Variants in DAB1 observed in about 807,000 individuals in gnomAD.
The protein encoded by DAB1 is DAB adaptor protein 1, also known as disabled homolog 1.
DAB1 carries 15 observed loss-of-function variants against 64.6 expected under a neutral mutation model. The observed-to-expected ratio is 0.23, with a 90% CI of 0.16 to 0.36. The LOEUF is 0.36. DAB1 is among the 10% of genes least tolerant of loss of function. DAB1 has a pLI of 1.00. For synonymous variants in DAB1, 235 were observed against 251.9 expected (o/e 0.93, Z 0.64); for missense variants, 596 against 706.7 (o/e 0.84, Z 1.78).
At chr1:57,786,130 G>C (rs1408145) in intron 6 of DAB1, among the ~76,000 whole-genome samples, 38,284 of 152,044 alleles carry the variant, frequency 0.25, 6,056 homozygotes, top group African/African-American at 0.45. Flanking sequence ...TAGCAACAAA[G>C]TATTTTCTAA....
At chr1:58,301,544 TG>T (rs983340111) in intron 4 of DAB1, among the ~76,000 whole-genome samples, 2 of 152,168 alleles carry the variant, frequency 1.3e-5, no homozygotes, top group African/African-American at 4.8e-5. Flanking sequence ...ATTTTATGTG[TG>T]GGCCAAGACA....
At chr1:57,811,366 T>C (rs1295647556) in intron 6 of DAB1, among the ~76,000 whole-genome samples, 1 of 152,212 alleles carries the variant, frequency 6.6e-6, no homozygotes, top group East Asian at 1.9e-4. Flanking sequence ...TCTCCTGAGA[T>C]CTGGTTGTTT....
chr1:57,905,810 G>A (rs1644542245), intron 5 of DAB1, among the ~76,000 whole-genome samples: 1 of 152,168 alleles, frequency 6.6e-6, no homozygotes, highest in Non-Finnish European at 1.5e-5. Context: ...AGGGAGGTAG[G>A]AGGAAAACCT....
At chr1:58,529,799 A>G (rs879791171) in intron 1 of DAB1, among the ~76,000 whole-genome samples, 1 of 152,252 alleles carries the variant, frequency 6.6e-6, no homozygotes, top group Non-Finnish European at 1.5e-5. Context: ...TAGCATTTAC[A>G]TTGAATTACA....
At chr1:57,874,016 G>T (rs1294801993) in intron 1 of DAB1, 1 of 152,112 alleles carries the variant, frequency 6.6e-6, no homozygotes, top group African/African-American at 2.4e-5. Flanking sequence ...GAAGACCAGA[G>T]AGCTTGGGAG....
At chr1:57,695,234 AAAGG>A (rs1330522316) in intron 6 of DAB1, among the ~76,000 whole-genome samples, 42 of 116,692 alleles carry the variant, frequency 3.6e-4, no homozygotes, top group African/African-American at 5.6e-4. Context: ...TCTAAGAAAG[AAAGG>A]AAGAAAGAAA....
chr1:57,824,431 C>A (rs1241577964), downstream of DAB1, among the ~76,000 whole-genome samples: 3 of 151,982 alleles, frequency 2.0e-5, no homozygotes, highest in African/African-American at 7.3e-5. Context: ...ATTCTTCTTC[C>A]AGGGTGTGAT....
intron 7 of DAB1, among the ~76,000 whole-genome samples, chr1:57,598,290 C>T (rs1311659899): frequency 1.3e-5 from 2 of 152,250 alleles, no homozygotes; most frequent in African/African-American, 4.8e-5. Context: ...CCGGTATCCA[C>T]ATTTTAAATA....
chr1:58,232,936 A>G (rs1392048719), intron 4 of DAB1, among the ~76,000 whole-genome samples: 1 of 152,120 alleles, frequency 6.6e-6, no homozygotes, highest in Non-Finnish European at 1.5e-5. Flanking sequence ...TCTATTTATT[A>G]TCTATTTCTC....
chr1:57,339,663 C>T (rs182089552), intron 1 of DAB1, among the ~76,000 whole-genome samples: 10 of 152,290 alleles, frequency 6.6e-5, no homozygotes, highest in Admixed American at 5.9e-4. Flanking sequence ...TAAAAAGTCA[C>T]CTTTTAATCA....
At chr1:57,782,970 C>T (rs1569669505) in intron 6 of DAB1, among the ~76,000 whole-genome samples, 1 of 135,226 alleles carries the variant, frequency 7.4e-6, no homozygotes, top group African/African-American at 2.8e-5. Flanking sequence ...AGTCCATTTT[C>T]TTTCCTCCCT....
intron 5 of DAB1, among the ~76,000 whole-genome samples, chr1:58,108,335 T>C (rs1265339556): frequency 6.6e-6 from 1 of 152,060 alleles, no homozygotes; most frequent in South Asian, 2.1e-4. Context: ...ATACCACCCT[T>C]AGGGCTGGTT....
chr1:57,709,122 A>G (rs891941324), intron 6 of DAB1, among the ~76,000 whole-genome samples: 4 of 152,152 alleles, frequency 2.6e-5, no homozygotes, highest in Non-Finnish European at 5.9e-5. Flanking sequence ...TACCATTAAA[A>G]TAAATTAGAA....
At chr1:57,422,379 C>A (rs969273237) in intron 1 of DAB1, among the ~76,000 whole-genome samples, 3 of 152,188 alleles carry the variant, frequency 2.0e-5, no homozygotes, top group Middle Eastern at 3.2e-3. Flanking sequence ...CGCCCCCGGG[C>A]TCGCCCCCGT....
chr1:57,281,997 C>T (rs568688396), intron 2 of DAB1, among the ~76,000 whole-genome samples: 4 of 152,024 alleles, frequency 2.6e-5, no homozygotes, highest in African/African-American at 9.6e-5. Flanking sequence ...GCCTGGCCAA[C>T]ATGGCGAAAC....
rs148767026 is a variant in DAB1, at chr1:57,018,384, G to A, written c.896-2953C>T. Among the ~76,000 whole-genome samples, 681 of 152,256 alleles carry A rather than the reference G, an allele frequency of 4.5e-3. 7 individuals carry two copies. Among genetic ancestry groups the A allele is most frequent in the African/African-American group, 0.016 (648 of 41,540 alleles). The stretch of plus-strand genomic sequence containing the variant: ...ACATCTGACTCTTATGTCTTCTAGT[G>A]TGCTCACGCCTGAGTATTTCCTTAT... On this transcript the variant is annotated intron_variant, in intron 11 of 14. Transcript: ENST00000371236.
chr1:57,251,675 G>GA (rs1372746442), intron 2 of DAB1, among the ~76,000 whole-genome samples: 3 of 150,982 alleles, frequency 2.0e-5, no homozygotes, highest in East Asian at 1.9e-4. Context: ...AGAAAGCAAA[G>GA]AAAAAAAAAT....
intron 1 of DAB1, among the ~76,000 whole-genome samples, chr1:57,879,358 A>C (rs986697231): frequency 6.6e-6 from 1 of 152,190 alleles, no homozygotes; most frequent in African/African-American, 2.4e-5. Context: ...CCACATGTTG[A>C]AGATGATGGT....
chr1:58,199,621 A>G (rs1657890350), intron 4 of DAB1, among the ~76,000 whole-genome samples: 3 of 152,220 alleles, frequency 2.0e-5, no homozygotes, highest in Admixed American at 2.0e-4. Context: ...TACTACTAGT[A>G]CAACTAATAG....
Sources: allele counts gnomAD v4.1 joint callset (sites outside exome capture counted in the v4.1 genomes callset), GRCh38; gene constraint gnomAD v4.1.1; transcripts MANE v1.5; gene names NCBI Gene and HGNC (gene_info 2026-07-23, HGNC 2026-07-21).